The following RGS12 variants were observed in gnomAD, a reference collection of about 807,000 sequenced individuals.
RGS12 encodes the protein regulator of G protein signaling 12, also known as regulator of G-protein signaling 12.
Under a neutral mutation model 120.1 loss-of-function variants are expected in RGS12, and 66 were observed. The ratio of observed to expected loss-of-function variants is 0.55; its 90% CI spans 0.45 to 0.67. RGS12 has a LOEUF of 0.67. Among genes scored for constraint, RGS12 ranks in the 30% least tolerant of loss-of-function variants. The pLI, the probability that RGS12 is intolerant of heterozygous loss-of-function variation, is 0.00. For missense variants in RGS12, 1,859 were observed against 1,957.7 expected (o/e 0.95, Z 0.95); for synonymous variants, 827 against 804.7 (o/e 1.03, Z -0.47).
chr4:3,333,285 G>A (rs1052090085), intron 2 of RGS12, among the ~76,000 whole-genome samples: 1 of 152,094 alleles, frequency 6.6e-6, no homozygotes, highest in Non-Finnish European at 1.5e-5. Flanking sequence ...TCCTGACCTC[G>A]TGATCCACCC....
intron 3 of RGS12, among the ~76,000 whole-genome samples, chr4:3,363,632 C>T (rs1455042646): frequency 1.4e-4 from 21 of 151,986 alleles, no homozygotes; most frequent in African/African-American, 5.1e-4. Context: ...TCCCGCTCAC[C>T]CGGCGCACAC....
upstream of RGS12, among the ~76,000 whole-genome samples, chr4:3,291,381 C>G (rs559681855): frequency 1.9e-3 from 271 of 144,682 alleles, 1 homozygote; most frequent in African/African-American, 6.9e-3. Flanking sequence ...GAGTTTCACT[C>G]TGTCACCTAG....
chr4:3,294,797 C>G lies in RGS12; in HGVS notation c.-102+1698C>G, dbSNP rs2110343738. 2.0e-5 allele frequency among the ~76,000 whole-genome samples: 3 copies of G among 152,348 alleles called. No individual in the cohort carries two copies. The South Asian group carries it at 6.2e-4, about 32-fold the overall frequency. On this transcript the variant is annotated intron_variant, in intron 1 of 17. Transcript: ENST00000336727. ...GGTAACTGCAATGATGCGGATGCCT[C>G]TGTGACTGGCAGAGCAGAGGGAGGA...
chr4:3,316,840 A>G lies in RGS12; in HGVS notation c.670A>G (p.Ser224Gly), dbSNP rs199628583. The change falls in exon 2 of 18, where the codon AGT becomes GGT. Residue 224 changes from serine (S) to glycine (G), a missense_variant. Coordinates refer to ENST00000336727, the MANE Select transcript of RGS12 (RefSeq NM_001394154.1). ...ESHDDFALDA[S>G]ILNVAMIVGY... ...TCATGACGATTTTGCATTGGATGCA[A>G]GTATTTTAAACGTGGCGATGATCGT... 1.2e-6 allele frequency: 2 copies of G among 1,614,080 alleles called. No individual in the cohort carries two copies. The highest frequency in any genetic ancestry group is 1.1e-5 in the South Asian group (1 of 91,092).
chr4:3,417,268 T>C (rs1033419330), intron 8 of RGS12, 120 bp from the exon 9 acceptor site: 4 of 1,320,424 alleles, frequency 3.0e-6, no homozygotes, highest in African/African-American at 1.5e-5. Context: ...CCATGACCTG[T>C]AGAAGTGATA....
intron 3 of RGS12, among the ~76,000 whole-genome samples, chr4:3,384,224 G>A (rs1577023144): frequency 6.6e-6 from 1 of 152,046 alleles, no homozygotes. Flanking sequence ...GCACGATCTC[G>A]GCTCATTGCA....
rs970450315 is a variant in RGS12 at position 3,316,611 on chromosome 4, C to T, written c.441C>T (p.Phe147=). The stretch of plus-strand genomic sequence containing the variant: ...AGGAAATGCAGTCTGGTGGAATTTT[C>T]AATATGATTTTTGAAAACCCGAGCC... The part of the protein sequence containing the change: ...VVEEMQSGGI[F]NMIFENPSLC... The change falls in exon 2 of 18, where the codon TTC becomes TTT. Residue 147 remains phenylalanine, a synonymous_variant. Coordinates refer to ENST00000336727, the MANE Select transcript of RGS12 (RefSeq NM_001394154.1). 6.2e-7 allele frequency: 1 copy of T among 1,613,962 alleles called. No individual in the cohort carries two copies. Among genetic ancestry groups the T allele is most frequent in the African/African-American group, 1.3e-5 (1 of 74,876 alleles).
intron 17 of RGS12, among the ~76,000 whole-genome samples, chr4:3,438,254 G>A (rs1451029327): frequency 6.6e-6 from 1 of 151,916 alleles, no homozygotes; most frequent in Non-Finnish European, 1.5e-5. Flanking sequence ...CTCAGCCCCA[G>A]GCTCACTGAG....
chr4:3,438,423 G>C (rs1035307870), intron 17 of RGS12, among the ~76,000 whole-genome samples: 18 of 152,114 alleles, frequency 1.2e-4, no homozygotes, highest in Admixed American at 2.6e-4. Flanking sequence ...CGTACAGATG[G>C]GGGGGTGGGG....
intron 4 of RGS12, chr4:3,407,663 G>C (rs1721297701): frequency 1.3e-5 from 2 of 152,322 alleles, no homozygotes; most frequent in Admixed American, 6.5e-5. Context: ...GCCGCAGCGG[G>C]ATTGTGTCGG....
chr4:3,318,258 C>T (rs1014026938), intron 2 of RGS12, among the ~76,000 whole-genome samples: 1 of 152,150 alleles, frequency 6.6e-6, no homozygotes, highest in Non-Finnish European at 1.5e-5. Context: ...CTGTTCGAGT[C>T]CTTGGTTCTG....
At chr4:3,382,750 T>G (rs1214520965) in intron 3 of RGS12, among the ~76,000 whole-genome samples, 1 of 152,266 alleles carries the variant, frequency 6.6e-6, no homozygotes, top group African/African-American at 2.4e-5. Context: ...TTCAACTGCC[T>G]AATCTCTGTT....
At chr4:3,425,161 C>T (rs900154064) in intron 13 of RGS12, among the ~76,000 whole-genome samples, 4 of 152,160 alleles carry the variant, frequency 2.6e-5, no homozygotes, top group African/African-American at 9.7e-5. Flanking sequence ...ATAGCAGTTT[C>T]GAGGGTCAGT....
intron 4 of RGS12, among the ~76,000 whole-genome samples, chr4:3,387,076 C>T (rs146160686): frequency 2.6e-5 from 4 of 152,242 alleles, no homozygotes; most frequent in Non-Finnish European, 4.4e-5. Flanking sequence ...AGAGTTCCTC[C>T]GAAATATTCC....
intron 3 of RGS12, among the ~76,000 whole-genome samples, chr4:3,358,926 C>A (rs1218656517): frequency 1.9e-4 from 18 of 96,946 alleles, no homozygotes; most frequent in Non-Finnish European, 3.6e-4. Context: ...TCTGTCCCCC[C>A]CTCCTCCTCC....
chr4:3,414,341 G>A, intron 5 of RGS12, 100 bp downstream of exon 5: 4 of 1,341,578 alleles, frequency 3.0e-6, no homozygotes, highest in East Asian at 2.5e-5. Context: ...GCACCCTGCG[G>A]GCCCTGAGCA....
At chr4:3,304,894 G>A (rs1723891503) in intron 1 of RGS12, among the ~76,000 whole-genome samples, 1 of 152,266 alleles carries the variant, frequency 6.6e-6, no homozygotes. Flanking sequence ...GTAGCTGCAA[G>A]GCTTCTGGGA....
At chr4:3,403,033 T>C (rs1308842704) in intron 4 of RGS12, among the ~76,000 whole-genome samples, 1 of 152,198 alleles carries the variant, frequency 6.6e-6, no homozygotes, top group Non-Finnish European at 1.5e-5. Flanking sequence ...CATAATTCAC[T>C]CGTCTTTGCA....
intron 3 of RGS12, among the ~76,000 whole-genome samples, chr4:3,381,634 G>A (rs974201087): frequency 1.3e-5 from 2 of 152,196 alleles, no homozygotes; most frequent in African/African-American, 4.8e-5. Flanking sequence ...GTCAGATCTT[G>A]TGAGAACTCA....
Sources: gnomAD v4.1 joint callset for allele counts (sites outside exome capture counted in the v4.1 genomes callset) on GRCh38, gnomAD v4.1.1 for gene constraint, MANE v1.5 for transcripts, NCBI Gene and HGNC (gene_info 2026-07-23, HGNC 2026-07-21) for gene names.